WDTC1: variants seen among roughly 807,000 people sequenced by gnomAD.
WDTC1 encodes the protein WD and tetratricopeptide repeats protein 1.
In WDTC1, 12 loss-of-function variants were observed where a neutral mutation model predicts 76.0. The ratio of observed to expected loss-of-function variants is 0.16; its 90% confidence interval spans 0.10 to 0.26. WDTC1 has a LOEUF of 0.26. WDTC1 is among the 10% of genes least tolerant of loss of function. The probability of loss-of-function intolerance (pLI) is 1.00; values close to 1 mark genes in which losing one functional copy is unlikely to be tolerated. For missense variants in WDTC1, 511 were observed against 908.8 expected (o/e 0.56, Z 5.63); for synonymous variants, 326 against 350.8 (o/e 0.93, Z 0.79).
chr1:27,260,070 C>A (rs567781595), intron 1 of WDTC1, among the ~76,000 whole-genome samples: 25 of 151,874 alleles, frequency 1.6e-4, no homozygotes, highest in Non-Finnish European at 2.9e-4. Context: ...AAAAGCCTAC[C>A]TACCAGGATT....
At chr1:27,265,366 T>C (rs2012627515) in intron 3 of WDTC1, among the ~76,000 whole-genome samples, 1 of 152,214 alleles carries the variant, frequency 6.6e-6, no homozygotes, top group South Asian at 2.1e-4. Flanking sequence ...ACTCTTCTCA[T>C]TAAATTCTTT....
chr1:27,236,396 G>C (rs953165509), intron 1 of WDTC1, among the ~76,000 whole-genome samples: 3 of 152,150 alleles, frequency 2.0e-5, no homozygotes, highest in Non-Finnish European at 4.4e-5. Flanking sequence ...TTTAAGGCTG[G>C]AGTCCTGCTC....
At chr1:27,239,428 G>A (rs1314278955) in intron 1 of WDTC1, among the ~76,000 whole-genome samples, 8 of 150,892 alleles carry the variant, frequency 5.3e-5, no homozygotes, top group East Asian at 2.0e-4. Flanking sequence ...AATCTGAGGC[G>A]GGGGCATCAC....
intron 4 of WDTC1, among the ~76,000 whole-genome samples, chr1:27,283,075 T>A (rs898771941): frequency 2.6e-5 from 4 of 151,356 alleles, no homozygotes; most frequent in African/African-American, 9.7e-5. Context: ...GAGGCGGAGC[T>A]TGCAGTGAGC....
chr1:27,284,658 C>T (rs1206541089), intron 5 of WDTC1, among the ~76,000 whole-genome samples: 1 of 151,768 alleles, frequency 6.6e-6, no homozygotes, highest in South Asian at 2.1e-4. Flanking sequence ...CATCAGAGCA[C>T]AAGACATTGA....
chr1:27,245,406 C>G (rs1371512007), intron 1 of WDTC1, among the ~76,000 whole-genome samples: 2 of 151,660 alleles, frequency 1.3e-5, no homozygotes, highest in Non-Finnish European at 2.9e-5. Context: ...GGATGAAGAG[C>G]AGGCCCTCAG....
At chr1:27,273,140 A>G (rs142748700) in intron 3 of WDTC1, among the ~76,000 whole-genome samples, 48 of 152,134 alleles carry the variant, frequency 3.2e-4, no homozygotes, top group African/African-American at 1.2e-3. Flanking sequence ...CATAGGAAAC[A>G]AAAAAGGGCT....
intron 5 of WDTC1, among the ~76,000 whole-genome samples, chr1:27,286,587 A>G (rs1166066625): frequency 6.9e-6 from 1 of 145,762 alleles, no homozygotes; most frequent in African/African-American, 2.6e-5. Context: ...CTCCTGCCTC[A>G]GCCTCCCGAG....
At chr1:27,264,738 T>C (rs905823800) in intron 3 of WDTC1, among the ~76,000 whole-genome samples, 6 of 152,174 alleles carry the variant, frequency 3.9e-5, no homozygotes, top group Non-Finnish European at 7.4e-5. Context: ...GTCTCTCACC[T>C]TGGCCTCCCA....
chr1:27,282,722 T>C (rs2013222004), intron 4 of WDTC1, among the ~76,000 whole-genome samples: 1 of 152,000 alleles, frequency 6.6e-6, no homozygotes, highest in Non-Finnish European at 1.5e-5. Context: ...CAGGCTGGTC[T>C]CAAACTCCTG....
intron 1 of WDTC1, among the ~76,000 whole-genome samples, chr1:27,241,689 A>T (rs2011634039): frequency 6.6e-6 from 1 of 152,182 alleles, no homozygotes; most frequent in Non-Finnish European, 1.5e-5. Context: ...AAGACTGCAG[A>T]TGCTTTTAAA....
intron 5 of WDTC1, among the ~76,000 whole-genome samples, chr1:27,285,574 C>T (rs1397943239): frequency 1.3e-5 from 2 of 152,110 alleles, no homozygotes; most frequent in Non-Finnish European, 1.5e-5. Context: ...TATTTTTTAT[C>T]CTCAAAGTTA....
chr1:27,279,064 AAAATAAAAAT>A (rs2013119182), intron 3 of WDTC1, among the ~76,000 whole-genome samples: 1 of 152,218 alleles, frequency 6.6e-6, no homozygotes, highest in Non-Finnish European at 1.5e-5. Context: ...ACTGTCTCAA[AAAATAAAAAT>A]AAATAACATA....
chr1:27,247,712 CTTT>C (rs35930144), intron 1 of WDTC1, among the ~76,000 whole-genome samples: 1 of 136,550 alleles, frequency 7.3e-6, no homozygotes, highest in Non-Finnish European at 1.6e-5. Context: ...CATTTTCTTT[CTTT>C]TTTTTTTTTT....
chr1:27,306,849 C>A lies in WDTC1; in HGVS notation c.*466C>A. The A allele has an allele frequency of 5.9e-6, 1 of 169,696 alleles. No homozygotes were observed. The highest frequency in any genetic ancestry group is 1.3e-5 in the Non-Finnish European group (1 of 78,022). 10.5% of individuals were successfully genotyped at this position (169,696 alleles called of 1,614,324 possible). A position where few individuals can be genotyped will look rare whatever the true frequency, so the allele number is the denominator to read the frequency against. On this transcript the variant is annotated 3_prime_UTR_variant, in exon 16 of 16. Coordinates refer to ENST00000319394, the MANE Select transcript of WDTC1 (RefSeq NM_001276252.2). This position sits in a 1 kb window ranked among gnomAD's most constrained non-coding sequence, Gnocchi z 5.0. ...CCTGCAAGGCTAGCTCCCCTGTGGT[C>A]TTCAGGAAAGGTTTTGAAAAAGGAT...
At chr1:27,238,883 T>C (rs1557472549) in intron 1 of WDTC1, among the ~76,000 whole-genome samples, 1 of 150,738 alleles carries the variant, frequency 6.6e-6, no homozygotes, top group Non-Finnish European at 1.5e-5. Context: ...TTTTTTTGTA[T>C]TTTTATTAGA....
chr1:27,238,500 G>A (rs144935712), intron 1 of WDTC1, among the ~76,000 whole-genome samples: 7 of 151,924 alleles, frequency 4.6e-5, no homozygotes, highest in Middle Eastern at 3.4e-3. Flanking sequence ...TTTTCTTTGA[G>A]ACAGAGTCTT....
chr1:27,262,731 G>T (rs1427292508), intron 2 of WDTC1, among the ~76,000 whole-genome samples: 1 of 152,016 alleles, frequency 6.6e-6, no homozygotes, highest in African/African-American at 2.4e-5. Context: ...AGTTTTTTGT[G>T]TGTGATTTCA....
chr1:27,241,237 TA>T (rs1189772701), intron 1 of WDTC1, among the ~76,000 whole-genome samples: 1 of 152,158 alleles, frequency 6.6e-6, no homozygotes, highest in Non-Finnish European at 1.5e-5. Context: ...GGGGAGGTAT[TA>T]ACCCCATTTT....
Sources: allele counts gnomAD v4.1 joint callset (sites outside exome capture counted in the v4.1 genomes callset), GRCh38; gene constraint gnomAD v4.1.1; non-coding constraint Gnocchi (gnomAD v3.1); transcripts MANE v1.5; gene names NCBI Gene and HGNC (gene_info 2026-07-23, HGNC 2026-07-21).